Variants in GPHN observed in about 807,000 individuals in gnomAD.
GPHN encodes the protein gephyrin.
GPHN carries 17 observed loss-of-function variants against 95.5 expected under a neutral mutation model. The ratio of observed to expected loss-of-function variants is 0.18; its 90% CI spans 0.12 to 0.27. GPHN has a LOEUF of 0.27. GPHN is among the 10% of genes least tolerant of loss of function. The pLI, the probability that GPHN is intolerant of heterozygous loss-of-function variation, is 1.00. For missense variants in GPHN, 660 were observed against 978.1 expected, an observed-to-expected ratio of 0.67 and a Z score of 4.34; for synonymous variants, 320 against 322.5, an observed-to-expected ratio of 0.99 and a Z score of 0.08.
At chr14:66,750,926 G>A (rs1432020757) in intron 2 of GPHN, among the ~76,000 whole-genome samples, 1 of 151,686 alleles carries the variant, frequency 6.6e-6, no homozygotes, top group Non-Finnish European at 1.5e-5. Context: ...CATTTGGCTG[G>A]TTTTCTAATT....
At chr14:66,817,874 T>C (rs1231957407) in intron 3 of GPHN, among the ~76,000 whole-genome samples, 1 of 152,162 alleles carries the variant, frequency 6.6e-6, no homozygotes, top group Non-Finnish European at 1.5e-5. Flanking sequence ...CATGACTTAT[T>C]GCCCCATTCC....
the GPHN span, among the ~76,000 whole-genome samples, chr14:67,421,900 C>A: frequency 6.6e-6 from 1 of 152,060 alleles, no homozygotes; most frequent in African/African-American, 2.4e-5. Flanking sequence ...AAATTGCTGG[C>A]AGTCTGATAG....
chr14:67,589,591 G>C, the GPHN span: 1 of 985,916 alleles, frequency 1.0e-6, no homozygotes. Flanking sequence ...GCCCTGTACA[G>C]AACACAGGCA....
the GPHN span, among the ~76,000 whole-genome samples, chr14:67,709,844 G>A: frequency 2.0e-5 from 3 of 152,156 alleles, no homozygotes; most frequent in African/African-American, 7.2e-5. Context: ...AGTGTGAAAG[G>A]AAATATCTTG....
At chr14:67,517,945 C>G in the GPHN span, among the ~76,000 whole-genome samples, 63,970 of 152,034 alleles carry the variant, frequency 0.42, 14,025 homozygotes, top group East Asian at 0.49. Flanking sequence ...CAGGGTAGAG[C>G]AGTCTGCTGT....
intron 8 of GPHN, among the ~76,000 whole-genome samples, chr14:66,932,453 T>TTTTTG (rs2066862874): frequency 8.6e-6 from 1 of 116,574 alleles, no homozygotes; most frequent in Non-Finnish European, 1.8e-5. Flanking sequence ...GGTTTTTTTT[T>TTTTTG]TTTTTTTTTT....
At chr14:66,657,647 TC>T (rs1244865529) in intron 1 of GPHN, among the ~76,000 whole-genome samples, 1 of 152,186 alleles carries the variant, frequency 6.6e-6, no homozygotes, top group African/African-American at 2.4e-5. Context: ...AATTTACTCT[TC>T]CTATGCTCTA....
the GPHN span, among the ~76,000 whole-genome samples, chr14:67,331,628 A>C: frequency 6.6e-6 from 1 of 152,158 alleles, no homozygotes; most frequent in Non-Finnish European, 1.5e-5. Flanking sequence ...TGTAATTTGA[A>C]AGAGAACTTC....
intron 8 of GPHN, among the ~76,000 whole-genome samples, chr14:66,946,192 T>G (rs1251691402): frequency 6.6e-6 from 1 of 152,182 alleles, no homozygotes; most frequent in Non-Finnish European, 1.5e-5. Flanking sequence ...GTAATACAGT[T>G]GTTAAGAAGT....
the GPHN span, chr14:67,589,774 T>C: frequency 1.9e-6 from 2 of 1,065,414 alleles, no homozygotes; most frequent in Non-Finnish European, 2.3e-6. Context: ...AAAGTAAACC[T>C]GAACATGCTT....
chr14:66,509,615 A>G (rs1159723533), intron 1 of GPHN, among the ~76,000 whole-genome samples: 1 of 152,110 alleles, frequency 6.6e-6, no homozygotes, highest in African/African-American at 2.4e-5. Context: ...TGTGTAATTG[A>G]GTGGCGAGAC....
intron 3 of GPHN, among the ~76,000 whole-genome samples, chr14:66,812,197 G>C (rs938059972): frequency 1.3e-5 from 2 of 152,202 alleles, no homozygotes; most frequent in Non-Finnish European, 2.9e-5. Context: ...CCATGAATGA[G>C]CTGGGTAGAC....
intron 3 of GPHN, among the ~76,000 whole-genome samples, chr14:66,790,563 G>C (rs975835556): frequency 2.0e-5 from 3 of 152,218 alleles, no homozygotes; most frequent in African/African-American, 7.2e-5. Flanking sequence ...GAGACCAAGA[G>C]AAGGTACTGC....
the GPHN span, among the ~76,000 whole-genome samples, chr14:67,273,512 T>C: frequency 3.3e-5 from 5 of 152,178 alleles, no homozygotes; most frequent in East Asian, 1.9e-4. Context: ...TTTCTTAATC[T>C]AGTCTATCAT....
the GPHN span, among the ~76,000 whole-genome samples, chr14:67,534,271 C>T: frequency 6.6e-6 from 1 of 152,042 alleles, no homozygotes; most frequent in Admixed American, 6.6e-5. Flanking sequence ...AAGGAGGAAG[C>T]TGGGACTCTG....
At chr14:66,658,097 C>T (rs568530624) in intron 1 of GPHN, among the ~76,000 whole-genome samples, 14 of 152,098 alleles carry the variant, frequency 9.2e-5, no homozygotes, top group Non-Finnish European at 1.3e-4. Context: ...GAAATTGATT[C>T]GACCCTTTAT....
rs148776159 is a variant in GPHN at position 67,047,600 on chromosome 14, A to G, written c.1007-11049A>G. Among the ~76,000 whole-genome samples, 919 of 152,234 alleles carry G rather than the reference A, an allele frequency of 6.0e-3. 13 individuals carry two copies. The highest frequency in any genetic ancestry group is 0.021 in the African/African-American group (873 of 41,542). ...AGAGTGGTCTCAAACTCCTGAGTTC[A>G]GGCAGTCCACCTGTGTCAGCCTCCC... On this transcript the variant is annotated intron_variant, in intron 10 of 22. Transcript: ENST00000478722.
chr14:67,622,516 C>T, the GPHN span, among the ~76,000 whole-genome samples: 511 of 152,294 alleles, frequency 3.4e-3, 5 homozygotes, highest in African/African-American at 0.012. Context: ...ATTTTAATAA[C>T]TCTCCAAGTT....
chr14:66,955,949 C>G (rs2068476998), intron 8 of GPHN, among the ~76,000 whole-genome samples: 3 of 151,966 alleles, frequency 2.0e-5, no homozygotes, highest in Non-Finnish European at 4.4e-5. Context: ...TTAATCCAGT[C>G]TATCATTGAT....
Sources: gnomAD v4.1 joint callset for allele counts (sites outside exome capture counted in the v4.1 genomes callset) on GRCh38, gnomAD v4.1.1 for gene constraint, MANE v1.5 for transcripts, NCBI Gene and HGNC (gene_info 2026-07-23, HGNC 2026-07-21) for gene names.